VSTM2B: variants seen among roughly 807,000 people sequenced by gnomAD.
VSTM2B encodes the protein V-set and transmembrane domain-containing protein 2B.
A neutral mutation model predicts 24.0 loss-of-function variants in VSTM2B; 24 were observed. The ratio of observed to expected loss-of-function variants is 1.00; its 90% CI spans 0.72 to 1.40. VSTM2B has a LOEUF of 1.40. Ranked by LOEUF, VSTM2B falls within the 40% of genes most tolerant of loss-of-function variation. VSTM2B has a pLI of 0.00. For synonymous variants in VSTM2B, 226 were observed against 194.4 expected, an observed-to-expected ratio of 1.16 and a Z score of -1.35; for missense variants, 399 against 416.4, an observed-to-expected ratio of 0.96 and a Z score of 0.36.
chr19:29,526,481 C>A lies in VSTM2B; in HGVS notation c.-103C>A. On this transcript the variant is annotated 5_prime_UTR_variant, in exon 1 of 5. Coordinates refer to ENST00000335523, the MANE Select transcript of VSTM2B (RefSeq NM_001146339.2). The surrounding 1 kb of genome is among the most constrained non-coding windows in gnomAD (Gnocchi z 4.1). ...GAGGGGGCGCCGCGCGGGGCCATGG[C>A]AGGCTCGGAGGCGTCCTAGCCCGAG... The A allele has an allele frequency of 1.4e-6, 1 of 737,766 alleles. No individual in the cohort carries two copies. Among genetic ancestry groups the A allele is most frequent in the Non-Finnish European group, 1.8e-6 (1 of 543,560 alleles). 45.7% of individuals were successfully genotyped at this position (737,766 alleles called of 1,614,324 possible).
At chr19:29,562,375 C>T (rs1454556870) in intron 4 of VSTM2B, among the ~76,000 whole-genome samples, 2 of 152,176 alleles carry the variant, frequency 1.3e-5, no homozygotes, top group Non-Finnish European at 2.9e-5. Flanking sequence ...AGGGAAGCCT[C>T]AAGTCTCTGT....
chr19:29,530,417 C>A (rs1404556729), intron 4 of VSTM2B, 127 bp downstream of exon 4: 1 of 816,418 alleles, frequency 1.2e-6, no homozygotes, highest in Non-Finnish European at 1.7e-6. Context: ...CATACTCCTT[C>A]CTAGTTAGGT....
intron 1 of VSTM2B, 37 bp from the exon 2 acceptor site, chr19:29,527,174 C>T (rs916496645): frequency 2.6e-6 from 4 of 1,530,342 alleles, no homozygotes; most frequent in Admixed American, 4.0e-5. Flanking sequence ...CCCCGACCTA[C>T]AGCTGGTCAC....
chr19:29,533,168 C>T (rs1969799929), intron 4 of VSTM2B, among the ~76,000 whole-genome samples: 1 of 152,232 alleles, frequency 6.6e-6, no homozygotes, highest in Admixed American at 6.5e-5. Context: ...CAACTCAATG[C>T]TGATGGCACA....
At chr19:29,527,040 C>T in intron 1 of VSTM2B, 171 bp from the exon 2 acceptor site, 1 of 609,308 alleles carries the variant, frequency 1.6e-6, no homozygotes, top group Non-Finnish European at 2.8e-6. Context: ...CCTGCCTCGG[C>T]CCTGCAGCCG....
intron 4 of VSTM2B, among the ~76,000 whole-genome samples, chr19:29,543,223 A>C (rs1253834492): frequency 6.6e-6 from 1 of 152,212 alleles, no homozygotes; most frequent in Non-Finnish European, 1.5e-5. Context: ...AATGTAACAA[A>C]AATACACCAG....
chr19:29,534,099 G>T (rs1418089987), intron 4 of VSTM2B, among the ~76,000 whole-genome samples: 1 of 152,228 alleles, frequency 6.6e-6, no homozygotes, highest in African/African-American at 2.4e-5. Flanking sequence ...GTACCAAGGT[G>T]TGGACAGGGT....
At chr19:29,539,834 C>G (rs535683162) in intron 4 of VSTM2B, among the ~76,000 whole-genome samples, 1 of 152,200 alleles carries the variant, frequency 6.6e-6, no homozygotes, top group African/African-American at 2.4e-5. Context: ...GAAGCCAGGG[C>G]CCCTCCTGCC....
At chr19:29,557,559 C>T (rs1188613052) in intron 4 of VSTM2B, among the ~76,000 whole-genome samples, 1 of 151,984 alleles carries the variant, frequency 6.6e-6, no homozygotes, top group Non-Finnish European at 1.5e-5. Flanking sequence ...ATTAGCTGAG[C>T]GTGGTGGTGG....
At chr19:29,545,701 T>C (rs531124500) in intron 4 of VSTM2B, among the ~76,000 whole-genome samples, 3 of 152,218 alleles carry the variant, frequency 2.0e-5, no homozygotes, top group Admixed American at 6.5e-5. Context: ...ATGGTATGTA[T>C]GCATCACATT....
chr19:29,528,145 G>A (rs1350285151), intron 2 of VSTM2B, among the ~76,000 whole-genome samples: 1 of 152,196 alleles, frequency 6.6e-6, no homozygotes, highest in Non-Finnish European at 1.5e-5. Flanking sequence ...GAGGGAAGGA[G>A]AGGGGCTTTC....
chr19:29,526,735 GAAGAAA>G lies in VSTM2B; in HGVS notation c.82+71_82+76del, dbSNP rs1568434986. On this transcript the variant is annotated intron_variant, in intron 1 of 4. Coordinates refer to ENST00000335523, the MANE Select transcript of VSTM2B (RefSeq NM_001146339.2). This position sits in a 1 kb window ranked among gnomAD's most constrained non-coding sequence, Gnocchi z 4.1. ...TTGCTGGGGCCGCCACCGAGAAGAA[GAAGAAA>G]GAGAACGAACCGGGAAGCTTCGCGG... 7.3e-7 allele frequency: 1 copy of G among 1,378,824 alleles called. No individual in the cohort carries two copies. The highest frequency in any genetic ancestry group is 9.8e-7 in the Non-Finnish European group (1 of 1,017,372). 85.4% of individuals were successfully genotyped at this position (1,378,824 alleles called of 1,614,324 possible).
rs962348200 is a variant in VSTM2B at position 29,526,870 on chromosome 19, C to G, written c.82+205C>G. 2 of 508,280 alleles carry G rather than the reference C, an allele frequency of 3.9e-6. No individual in the cohort carries two copies. The highest frequency in any genetic ancestry group is 4.1e-5 in the African/African-American group (2 of 49,262). 31.5% of individuals were successfully genotyped at this position (508,280 alleles called of 1,614,324 possible). A position where few individuals can be genotyped will look rare whatever the true frequency, so the allele number is the denominator to read the frequency against. ...CGCCGCGCCCGAGTCGTTCCCAGTC[C>G]CGCCGGGGCCCCGGCTGCGGAAAGG... On this transcript the variant is annotated intron_variant, in intron 1 of 4. Coordinates refer to ENST00000335523, the MANE Select transcript of VSTM2B (RefSeq NM_001146339.2). The surrounding 1 kb of genome is among the most constrained non-coding windows in gnomAD (Gnocchi z 4.1).
intron 4 of VSTM2B, among the ~76,000 whole-genome samples, chr19:29,536,718 G>C (rs1969899068): frequency 6.6e-6 from 1 of 152,108 alleles, no homozygotes; most frequent in African/African-American, 2.4e-5. Context: ...AGCTGGAGTG[G>C]TAGCCCCCAA....
chr19:29,534,417 C>A (rs933765685), intron 4 of VSTM2B, among the ~76,000 whole-genome samples: 2 of 152,166 alleles, frequency 1.3e-5, no homozygotes, highest in Admixed American at 1.3e-4. Flanking sequence ...GACCTGGGGG[C>A]ACTGAAGAGG....
At chr19:29,563,651 G>C (rs925854667) in intron 4 of VSTM2B, among the ~76,000 whole-genome samples, 195 bp from the exon 5 acceptor site, 144 of 152,236 alleles carry the variant, frequency 9.5e-4, no homozygotes, top group African/African-American at 3.4e-3. Context: ...TAAAGTGTAT[G>C]GTCTGTAAAT....
chr19:29,539,180 A>C (rs1969968263), intron 4 of VSTM2B, among the ~76,000 whole-genome samples: 1 of 152,174 alleles, frequency 6.6e-6, no homozygotes, highest in Non-Finnish European at 1.5e-5. Context: ...CGTGTGGTCC[A>C]TCAGCAAATT....
intron 4 of VSTM2B, among the ~76,000 whole-genome samples, chr19:29,552,301 G>T (rs1970302627): frequency 6.6e-6 from 1 of 152,204 alleles, no homozygotes; most frequent in Non-Finnish European, 1.5e-5. Flanking sequence ...CAAATCCTAG[G>T]TCCTTCTTTT....
intron 4 of VSTM2B, among the ~76,000 whole-genome samples, chr19:29,550,018 T>C (rs1304929637): frequency 6.6e-6 from 1 of 152,250 alleles, no homozygotes; most frequent in Non-Finnish European, 1.5e-5. Flanking sequence ...TCTTGTTTCA[T>C]TCTTAGATGA....
Sources: gnomAD v4.1 joint callset for allele counts (sites outside exome capture counted in the v4.1 genomes callset) on GRCh38, gnomAD v4.1.1 for gene constraint, Gnocchi (gnomAD v3.1) non-coding constraint, MANE v1.5 for transcripts, NCBI Gene and HGNC (gene_info 2026-07-23, HGNC 2026-07-21) for gene names.